Variants in ADARB2 observed in about 807,000 individuals in gnomAD.
ADARB2 encodes adenosine deaminase RNA specific B2 (inactive), also known as inactive double-stranded RNA-specific editase B2.
In ADARB2, 25 loss-of-function variants were observed where a neutral mutation model predicts 62.2. The ratio of observed to expected loss-of-function variants is 0.40; its 90% CI spans 0.29 to 0.56. ADARB2 has a LOEUF of 0.56. Among genes scored for constraint, ADARB2 ranks in the 20% least tolerant of loss-of-function variants. The pLI is 0.43. For missense variants in ADARB2, 1,071 were observed against 1,077.4 expected (o/e 0.99, Z 0.08); for synonymous variants, 572 against 500.8 (o/e 1.14, Z -1.90).
At chr10:1,395,991 T>G (rs1832609511) in intron 1 of ADARB2, among the ~76,000 whole-genome samples, 1 of 152,206 alleles carries the variant, frequency 6.6e-6, no homozygotes, top group Admixed American at 6.5e-5. Flanking sequence ...CTGAGCCACA[T>G]TGTCTGCTCT....
intron 1 of ADARB2, among the ~76,000 whole-genome samples, chr10:1,677,038 C>T (rs1246326461): frequency 6.6e-6 from 1 of 152,230 alleles, no homozygotes; most frequent in Non-Finnish European, 1.5e-5. Context: ...TATCAGGCAG[C>T]TTACACATCC....
chr10:1,619,739 CATTCCCTGCCCACAT>C (rs1833685675), intron 1 of ADARB2, among the ~76,000 whole-genome samples: 1 of 152,128 alleles, frequency 6.6e-6, no homozygotes, highest in Non-Finnish European at 1.5e-5. Flanking sequence ...CATGAGCCAC[CATTCCCTGCCCACAT>C]ATTGTTTTTA....
At position 1,398,427 on chromosome 10, in the gene ADARB2, G is replaced by A. The variant is rs964995919; in HGVS notation, c.101-19267C>T. Among the ~76,000 whole-genome samples the A allele has an allele frequency of 6.6e-6, 1 of 152,148 alleles. No individual in the cohort carries two copies. The highest frequency in any genetic ancestry group is 6.5e-5 in the Admixed American group (1 of 15,290). ...ACCTGTGCATGGTTGGGAGGGAGACGGGTTTCTTCCTTGGTCCTCCCACTC... is the reference window on the plus strand; with the variant it reads ...ACCTGTGCATGGTTGGGAGGGAGACAGGTTTCTTCCTTGGTCCTCCCACTC... On this transcript the variant is annotated intron_variant, in intron 1 of 9. Transcript: ENST00000381312. This position sits in a 1 kb window ranked among gnomAD's most constrained non-coding sequence, Gnocchi z 4.1.
intron 3 of ADARB2, among the ~76,000 whole-genome samples, chr10:1,273,660 G>A (rs1831286083): frequency 6.6e-6 from 1 of 152,192 alleles, no homozygotes; most frequent in South Asian, 2.1e-4. Flanking sequence ...AGATGCAGGG[G>A]GACAGAGGCC....
At chr10:1,626,430 C>T (rs566735329) in intron 1 of ADARB2, among the ~76,000 whole-genome samples, 9 of 151,688 alleles carry the variant, frequency 5.9e-5, no homozygotes, top group Admixed American at 2.0e-4. Context: ...GGATCTCGGA[C>T]GCTAACCCCA....
At chr10:1,229,814 A>G (rs115618340) in intron 6 of ADARB2, among the ~76,000 whole-genome samples, 6 of 147,586 alleles carry the variant, frequency 4.1e-5, no homozygotes, top group Admixed American at 4.0e-4. Flanking sequence ...GTGTACATGT[A>G]CTTATGTATG....
intron 1 of ADARB2, among the ~76,000 whole-genome samples, chr10:1,681,452 T>G (rs567468603): frequency 1.3e-5 from 2 of 151,662 alleles, no homozygotes; most frequent in Non-Finnish European, 2.9e-5. Flanking sequence ...GTCTAGAACT[T>G]AAAGAGGCAA....
rs1183312317 is a variant in ADARB2, at chr10:1,338,250, C to A, written c.1077+24778G>T. ...CTGATAAGTGTTTAACCGAACATAG[C>A]TTCAGAGCTTCAGCCCAAATGCTTA... On this transcript the variant is annotated intron_variant, in intron 3 of 9. Transcript: ENST00000381312. Among the ~76,000 whole-genome samples, 3 of 152,208 alleles carry A rather than the reference C, an allele frequency of 2.0e-5. No individual in the cohort carries two copies. The East Asian group carries it at 5.8e-4, about 29-fold the overall frequency.
chr10:1,556,758 C>T (rs1832710112), intron 1 of ADARB2: 1 of 534,392 alleles, frequency 1.9e-6, no homozygotes, highest in Non-Finnish European at 3.8e-6. Flanking sequence ...AGCCGGCCCC[C>T]AGGAAGACCC....
intron 1 of ADARB2, among the ~76,000 whole-genome samples, chr10:1,401,879 C>T (rs1010048533): frequency 4.6e-5 from 7 of 152,128 alleles, no homozygotes; most frequent in East Asian, 1.9e-4. Context: ...AGCATTTCCA[C>T]GAGCGTGTAC....
intron 1 of ADARB2, among the ~76,000 whole-genome samples, chr10:1,689,491 G>A (rs1285060638): frequency 1.3e-5 from 2 of 152,142 alleles, no homozygotes; most frequent in Non-Finnish European, 2.9e-5. Flanking sequence ...CCTCTCTGGG[G>A]TTCTTTACAC....
At chr10:1,470,093 T>TCTCCCAGGGTCATCTGACCTGACCCC (rs1486587467) in intron 1 of ADARB2, among the ~76,000 whole-genome samples, 6 of 152,064 alleles carry the variant, frequency 3.9e-5, no homozygotes, top group Non-Finnish European at 8.8e-5. Context: ...AGCCTGACCC[T>TCTCCCAGGGTCATCTGACCTGACCCC]CTCCCAGGGT....
At chr10:1,619,357 ATTAT>A (rs755801084) in intron 1 of ADARB2, among the ~76,000 whole-genome samples, 170 of 152,180 alleles carry the variant, frequency 1.1e-3, no homozygotes, top group Non-Finnish European at 1.9e-3. Context: ...CATTTGCTGT[ATTAT>A]TTATTGATAG....
intron 9 of ADARB2, among the ~76,000 whole-genome samples, chr10:1,183,714 T>C (rs1358428159): frequency 6.6e-6 from 1 of 151,490 alleles, no homozygotes; most frequent in East Asian, 1.9e-4. Flanking sequence ...CTGGTGAGAG[T>C]CATGTTGTCG....
chr10:1,365,916 C>A (rs1832309703), intron 2 of ADARB2, among the ~76,000 whole-genome samples: 1 of 152,186 alleles, frequency 6.6e-6, no homozygotes, highest in South Asian at 2.1e-4. Flanking sequence ...CTACAGAATA[C>A]TATATAGCAG....
At chr10:1,262,595 C>T (rs1178011586) in intron 4 of ADARB2, among the ~76,000 whole-genome samples, 3 of 152,088 alleles carry the variant, frequency 2.0e-5, no homozygotes, top group East Asian at 1.9e-4. Context: ...CATCTCACAC[C>T]AGTTAGAATG....
chr10:1,265,398 TG>T (rs1198426962), intron 4 of ADARB2, among the ~76,000 whole-genome samples: 6 of 152,358 alleles, frequency 3.9e-5, no homozygotes, highest in African/African-American at 1.4e-4. Flanking sequence ...TAGTAAGTAT[TG>T]TAGGGGTTCA....
intron 1 of ADARB2, among the ~76,000 whole-genome samples, chr10:1,476,533 A>G (rs1831403505): frequency 1.3e-5 from 2 of 152,216 alleles, no homozygotes; most frequent in African/African-American, 4.8e-5. Flanking sequence ...GCCTGAACGC[A>G]TCTGCCAGGT....
At chr10:1,564,784 CTT>C (rs59446234) in intron 1 of ADARB2, among the ~76,000 whole-genome samples, 33 of 147,362 alleles carry the variant, frequency 2.2e-4, no homozygotes, top group African/African-American at 7.7e-4. Flanking sequence ...CTTTTATTAC[CTT>C]TTTTTTTTTT....
Sources: allele counts gnomAD v4.1 joint callset (sites outside exome capture counted in the v4.1 genomes callset), GRCh38; gene constraint gnomAD v4.1.1; non-coding constraint Gnocchi (gnomAD v3.1); transcripts MANE v1.5; gene names NCBI Gene and HGNC (gene_info 2026-07-23, HGNC 2026-07-21).